The following TPST2 variants were observed in gnomAD, a reference collection of about 807,000 sequenced individuals.
TPST2 encodes tyrosylprotein sulfotransferase 2, also known as protein-tyrosine sulfotransferase 2.
TPST2 carries 16 observed loss-of-function variants against 27.8 expected under a neutral mutation model. That is an observed-to-expected ratio of 0.58 (90% confidence interval 0.39 to 0.88). The LOEUF (loss-of-function observed/expected upper bound fraction) is 0.88, where lower values mean the gene tolerates loss of function less well. TPST2 is among the 40% of genes least tolerant of loss of function. The pLI, the probability that TPST2 is intolerant of heterozygous loss-of-function variation, is 0.00. For synonymous variants in TPST2, 229 were observed against 231.7 expected, an observed-to-expected ratio of 0.99 and a Z score of 0.10; for missense variants, 464 against 543.1, an observed-to-expected ratio of 0.85 and a Z score of 1.45.
At chr22:26,555,623 G>T (rs4820685) in intron 1 of TPST2, among the ~76,000 whole-genome samples, 2 of 152,078 alleles carry the variant, frequency 1.3e-5, no homozygotes, top group Non-Finnish European at 2.9e-5. Flanking sequence ...CCCATAATGA[G>T]TGTCACGGCC....
intron 1 of TPST2, among the ~76,000 whole-genome samples, chr22:26,580,405 C>G (rs1928053602): frequency 6.6e-6 from 1 of 152,120 alleles, no homozygotes; most frequent in Non-Finnish European, 1.5e-5. Context: ...GTCAAGGCCC[C>G]TGGGTATCCA....
At chr22:26,537,556 G>A (rs1213239719) in intron 3 of TPST2, among the ~76,000 whole-genome samples, 1 of 152,160 alleles carries the variant, frequency 6.6e-6, no homozygotes, top group Non-Finnish European at 1.5e-5. Flanking sequence ...GGGTTCAAAC[G>A]ATTCTCATGC....
intron 3 of TPST2, among the ~76,000 whole-genome samples, chr22:26,538,817 C>T (rs556940340): frequency 3.9e-5 from 6 of 152,306 alleles, no homozygotes; most frequent in East Asian, 3.9e-4. Context: ...AGCGAGACTC[C>T]GTCTCAACAA....
chr22:26,560,440 C>A (rs1466469379), intron 1 of TPST2: 2 of 690,636 alleles, frequency 2.9e-6, no homozygotes, highest in Admixed American at 4.6e-5. Context: ...TTGCAGTACA[C>A]TGAGCTCCAC....
At chr22:26,585,558 G>A (rs959137345) in intron 1 of TPST2, among the ~76,000 whole-genome samples, 1 of 152,186 alleles carries the variant, frequency 6.6e-6, no homozygotes, top group Non-Finnish European at 1.5e-5. Flanking sequence ...GGACTTGCAA[G>A]CAATCGGAAT....
intron 1 of TPST2, among the ~76,000 whole-genome samples, chr22:26,563,514 A>T (rs889448881): frequency 1.3e-5 from 2 of 151,882 alleles, no homozygotes; most frequent in East Asian, 3.9e-4. Flanking sequence ...TATTTTTAGT[A>T]GAGATGGGGT....
At chr22:26,532,666 A>G in intron 5 of TPST2, 29 bp downstream of exon 5, 1 of 1,611,574 alleles carries the variant, frequency 6.2e-7, no homozygotes, top group African/African-American at 1.3e-5. Context: ...AGAAAGACAG[A>G]ATTCGGAATT....
At chr22:26,575,927 C>T (rs1007871815) in intron 1 of TPST2, among the ~76,000 whole-genome samples, 7 of 151,804 alleles carry the variant, frequency 4.6e-5, no homozygotes, top group East Asian at 1.9e-4. Flanking sequence ...ACCTGGGAGG[C>T]GGAGGTTGCA....
At chr22:26,585,363 TC>T (rs1188724716) in intron 1 of TPST2, among the ~76,000 whole-genome samples, 2 of 151,982 alleles carry the variant, frequency 1.3e-5, no homozygotes, top group Non-Finnish European at 2.9e-5. Flanking sequence ...GCCTCTGAGG[TC>T]CTTCCCTGCA....
intron 1 of TPST2, chr22:26,560,754 A>T: frequency 8.5e-7 from 1 of 1,176,016 alleles, no homozygotes; most frequent in Non-Finnish European, 1.3e-6. Flanking sequence ...AGAAATGAAA[A>T]CCTATATCCC....
At chr22:26,560,922 T>C in intron 1 of TPST2, 1 of 1,608,082 alleles carries the variant, frequency 6.2e-7, no homozygotes, top group East Asian at 2.2e-5. Context: ...GGGAGAGATG[T>C]GGAATAACAC....
intron 1 of TPST2, among the ~76,000 whole-genome samples, chr22:26,584,170 C>T (rs553408272): frequency 4.6e-5 from 7 of 152,316 alleles, no homozygotes; most frequent in South Asian, 4.1e-4. Context: ...TTAACATGTA[C>T]GGAAACTGGG....
At chr22:26,560,676 A>G in intron 1 of TPST2, 2 of 1,155,804 alleles carry the variant, frequency 1.7e-6, no homozygotes, top group Non-Finnish European at 2.6e-6. Flanking sequence ...GAGGTGGAAG[A>G]CCATGTCTGC....
intron 4 of TPST2, 27 bp downstream of exon 4, chr22:26,536,261 C>A (rs768126542): frequency 2.5e-6 from 4 of 1,613,674 alleles, no homozygotes; most frequent in Middle Eastern, 1.6e-4. Flanking sequence ...CAAGAGTACA[C>A]TTCCACAAGT....
intron 5 of TPST2, among the ~76,000 whole-genome samples, chr22:26,529,889 A>T (rs777635442): frequency 6.6e-6 from 1 of 151,892 alleles, no homozygotes; most frequent in Non-Finnish European, 1.5e-5. Context: ...AATTAATGCG[A>T]TCTGAGAGCT....
chr22:26,541,338 T>C lies in TPST2; in HGVS notation c.293A>G (p.Glu98Gly), dbSNP rs772942243. The change falls in exon 3 of 7, where the codon GAG (glutamate) becomes GGG (glycine). Residue 98 changes from glutamate to glycine, a missense_variant. Physicochemically the swap from Glu to Gly is moderately conservative, Grantham distance 98. Transcript: ENST00000338754. The surrounding 1 kb of genome is among the most constrained non-coding windows in gnomAD (Gnocchi z 5.9). ...CACGCGCGGGATGATGCGGGTCTCC[T>C]CGCCGCAGCGCACCTCGGGGTGCGC... ...LDAHPEVRCGEETRIIPRVLA... is the reference protein window; with the variant it reads ...LDAHPEVRCGGETRIIPRVLA... The C allele has an allele frequency of 1.9e-6, 3 of 1,549,246 alleles. No individual in the cohort carries two copies. Among genetic ancestry groups the C allele is most frequent in the Non-Finnish European group, 1.7e-6 (2 of 1,145,922 alleles).
At chr22:26,544,782 G>T in intron 1 of TPST2, 107 bp from the exon 2 acceptor site, 1 of 519,648 alleles carries the variant, frequency 1.9e-6, no homozygotes, top group Non-Finnish European at 2.5e-6. Context: ...ACTGGACAGT[G>T]ACATTTGGGA....
At chr22:26,560,694 A>G in intron 1 of TPST2, 1 of 1,115,352 alleles carries the variant, frequency 9.0e-7, no homozygotes, top group South Asian at 1.2e-5. Context: ...TGCTAAAGAG[A>G]AAGGAAAATT....
At chr22:26,563,353 C>T (rs1286521791) in intron 1 of TPST2, among the ~76,000 whole-genome samples, 4 of 127,522 alleles carry the variant, frequency 3.1e-5, no homozygotes, top group African/African-American at 1.2e-4. Context: ...TTTTTTAAGA[C>T]AGAGTCTCAC....
Sources: gnomAD v4.1 joint callset for allele counts (sites outside exome capture counted in the v4.1 genomes callset) on GRCh38, gnomAD v4.1.1 for gene constraint, Gnocchi (gnomAD v3.1) non-coding constraint, MANE v1.5 for transcripts, NCBI Gene and HGNC (gene_info 2026-07-23, HGNC 2026-07-21) for gene names.